SLCO3A1: variants seen among roughly 807,000 people sequenced by gnomAD.
SLCO3A1 encodes PGE1 transporter.
SLCO3A1 carries 27 observed loss-of-function variants against 63.1 expected under a neutral mutation model. That is an observed-to-expected ratio of 0.43 (90% confidence interval 0.32 to 0.59). SLCO3A1 has a LOEUF of 0.59. Ranked by LOEUF, SLCO3A1 falls within the 20% of genes least tolerant of loss-of-function variation. The probability of loss-of-function intolerance (pLI) is 0.09; values close to 1 mark genes in which losing one functional copy is unlikely to be tolerated. For synonymous variants in SLCO3A1, 473 were observed against 409.9 expected, an observed-to-expected ratio of 1.15 and a Z score of -1.86; for missense variants, 773 against 945.8, an observed-to-expected ratio of 0.82 and a Z score of 2.40.
chr15:92,009,001 T>C (rs939489792), intron 2 of SLCO3A1, among the ~76,000 whole-genome samples: 1 of 152,224 alleles, frequency 6.6e-6, no homozygotes, highest in African/African-American at 2.4e-5. Flanking sequence ...GAGTCATTTG[T>C]AGAGAGAATG....
At chr15:91,971,652 T>C (rs1173117454) in intron 2 of SLCO3A1, among the ~76,000 whole-genome samples, 1 of 152,084 alleles carries the variant, frequency 6.6e-6, no homozygotes, top group African/African-American at 2.4e-5. Flanking sequence ...TACAGCATTG[T>C]TTGCCATGAG....
chr15:91,881,204 T>G (rs1897575235), intron 1 of SLCO3A1, among the ~76,000 whole-genome samples: 1 of 152,214 alleles, frequency 6.6e-6, no homozygotes, highest in African/African-American at 2.4e-5. Context: ...GATCAAAACC[T>G]GAACCCTTAT....
chr15:91,916,905 T>C lies in SLCO3A1; in HGVS notation c.646+447T>C, dbSNP rs1470881045. ...AGGAGAGGTGATGGCTTTGCCAGCA[T>C]TTGGCATCATTCGAAGTTGGTGACT... is the stretch of plus-strand genomic sequence containing the variant. On this transcript the variant is annotated intron_variant, in intron 2 of 9. Coordinates refer to ENST00000318445, the MANE Select transcript of SLCO3A1 (RefSeq NM_013272.4). The surrounding 1 kb of genome is among the most constrained non-coding windows in gnomAD (Gnocchi z 6.2). Among the ~76,000 whole-genome samples, 1 of 152,232 alleles carries C rather than the reference T, an allele frequency of 6.6e-6. No homozygotes were observed. Among genetic ancestry groups the C allele is most frequent in the African/African-American group, 2.4e-5 (1 of 41,456 alleles).
At chr15:91,947,598 C>A (rs1342465930) in intron 2 of SLCO3A1, among the ~76,000 whole-genome samples, 2 of 152,224 alleles carry the variant, frequency 1.3e-5, no homozygotes, top group African/African-American at 4.8e-5. Flanking sequence ...ATAGGGCCGA[C>A]AGATCGTTGC....
intron 2 of SLCO3A1, among the ~76,000 whole-genome samples, chr15:91,964,904 A>G (rs1219617265): frequency 1.3e-5 from 2 of 152,078 alleles, no homozygotes; most frequent in African/African-American, 4.8e-5. Flanking sequence ...GGCCTTATCC[A>G]TTACCTTGTC....
intron 9 of SLCO3A1, among the ~76,000 whole-genome samples, chr15:92,151,692 T>G (rs1287494717): frequency 6.6e-6 from 1 of 152,248 alleles, no homozygotes; most frequent in Non-Finnish European, 1.5e-5. Context: ...ACACCGTTGC[T>G]TTATGAGCAT....
At chr15:92,141,420 G>C (rs919218710) in intron 7 of SLCO3A1, among the ~76,000 whole-genome samples, 3 of 152,158 alleles carry the variant, frequency 2.0e-5, no homozygotes, top group African/African-American at 7.2e-5. Flanking sequence ...TCAGTTCCAA[G>C]ATACACCTGC....
chr15:92,162,485 A>C, intron 9 of SLCO3A1: 1 of 403,058 alleles, frequency 2.5e-6, no homozygotes, highest in Non-Finnish European at 4.4e-6. Flanking sequence ...CTTCACAGCC[A>C]TCTGGTGAAG....
chr15:91,877,497 C>T (rs1469753411), intron 1 of SLCO3A1, among the ~76,000 whole-genome samples: 5 of 152,184 alleles, frequency 3.3e-5, no homozygotes, highest in African/African-American at 1.2e-4. Flanking sequence ...CATGACATCA[C>T]TGCAAGGTTT....
At chr15:91,917,784 C>T (rs1027399352) in intron 2 of SLCO3A1, among the ~76,000 whole-genome samples, 2 of 152,076 alleles carry the variant, frequency 1.3e-5, no homozygotes, top group African/African-American at 4.8e-5. Context: ...GAGTGAAAGC[C>T]GCTCCACGTG....
At position 92,078,784 on chromosome 15, in the gene SLCO3A1, C is replaced by T. The variant is rs577480122; in HGVS notation, c.647-16097C>T. On this transcript the variant is annotated intron_variant, in intron 2 of 9. Coordinates refer to ENST00000318445, the MANE Select transcript of SLCO3A1 (RefSeq NM_013272.4). Reference sequence around the variant, plus strand: ...AGTGTATCTGCGCATAGGGTTGTGGCGACGATTAAATGAGGTAGTACATGG... The same window carrying T: ...AGTGTATCTGCGCATAGGGTTGTGGTGACGATTAAATGAGGTAGTACATGG... 9.9e-5 allele frequency among the ~76,000 whole-genome samples: 15 copies of T among 152,210 alleles called. No homozygotes were observed. In the South Asian group the frequency reaches 1.5e-3, roughly 15 times the overall value.
chr15:91,974,012 T>G (rs1417076407), intron 2 of SLCO3A1, among the ~76,000 whole-genome samples: 1 of 152,166 alleles, frequency 6.6e-6, no homozygotes, highest in African/African-American at 2.4e-5. Flanking sequence ...CCAGGCCTAT[T>G]GGTACCTGTT....
At chr15:91,917,526 C>T (rs371695428) in intron 2 of SLCO3A1, among the ~76,000 whole-genome samples, 12 of 152,108 alleles carry the variant, frequency 7.9e-5, no homozygotes, top group African/African-American at 1.2e-4. Flanking sequence ...TTACTGAACA[C>T]GGATGTTGCA....
chr15:92,043,681 T>C (rs1018143602), intron 2 of SLCO3A1, among the ~76,000 whole-genome samples: 1 of 152,248 alleles, frequency 6.6e-6, no homozygotes, highest in African/African-American at 2.4e-5. Context: ...TTCACATTTT[T>C]CAACCCACTG....
Position 92,030,007 on chromosome 15 carries a change from A to G in SLCO3A1, c.647-64874A>G, listed in dbSNP as rs556375216. Among the ~76,000 whole-genome samples, 204 of 152,260 alleles carry G rather than the reference A, an allele frequency of 1.3e-3. No individual in the cohort carries two copies. In the Middle Eastern group the frequency reaches 0.031, roughly 23 times the overall value. ...ACCGTTGCATTATTACTCTAATAAA[A>G]TGTCCTCGGCTACATTTTCGTAACA... is the stretch of plus-strand genomic sequence containing the variant. On this transcript the variant is annotated intron_variant, in intron 2 of 9. Transcript: ENST00000318445.
At position 91,883,731 on chromosome 15, in the gene SLCO3A1, A is replaced by AT. The variant is rs1250885677; in HGVS notation, c.180+29649dup. On this transcript the variant is annotated intron_variant, in intron 1 of 9. Coordinates refer to ENST00000318445, the MANE Select transcript of SLCO3A1 (RefSeq NM_013272.4). The surrounding 1 kb of genome is among the most constrained non-coding windows in gnomAD (Gnocchi z 4.8). ...GTGCATAGAAATTTCGGTTCCAAGTATTTTTTGAAGTAGAAGTGTGTTTGT... is the reference window on the plus strand; with the variant it reads ...GTGCATAGAAATTTCGGTTCCAAGTATTTTTTTGAAGTAGAAGTGTGTTTGT... Among the ~76,000 whole-genome samples, 1 of 152,166 alleles carries AT rather than the reference A, an allele frequency of 6.6e-6. No individual in the cohort carries two copies. Among genetic ancestry groups the AT allele is most frequent in the Non-Finnish European group, 1.5e-5 (1 of 68,046 alleles).
chr15:92,144,335 G>C (rs922945888), intron 7 of SLCO3A1, among the ~76,000 whole-genome samples: 4 of 152,170 alleles, frequency 2.6e-5, no homozygotes, highest in Non-Finnish European at 5.9e-5. Flanking sequence ...ATGGTCCAGG[G>C]AAACAGAGAA....
chr15:92,110,717 G>A (rs1459946339), intron 4 of SLCO3A1, among the ~76,000 whole-genome samples: 1 of 131,394 alleles, frequency 7.6e-6, no homozygotes, highest in East Asian at 2.6e-4. Flanking sequence ...CTTCATGAAG[G>A]CAGGGACTGC....
chr15:91,866,571 T>G (rs1897169504), intron 1 of SLCO3A1, among the ~76,000 whole-genome samples: 1 of 149,586 alleles, frequency 6.7e-6, no homozygotes, highest in South Asian at 2.1e-4. Flanking sequence ...CAGGCTCCTT[T>G]TTTTAAAAAA....
Sources: gnomAD v4.1 joint callset for allele counts (sites outside exome capture counted in the v4.1 genomes callset) on GRCh38, gnomAD v4.1.1 for gene constraint, Gnocchi (gnomAD v3.1) non-coding constraint, MANE v1.5 for transcripts, NCBI Gene and HGNC (gene_info 2026-07-23, HGNC 2026-07-21) for gene names.